ZNF292: variants seen among roughly 807,000 people sequenced by gnomAD.
ZNF292 encodes 16 zinc-finger domain protein.
Under a neutral mutation model 217.9 loss-of-function variants are expected in ZNF292, and 26 were observed. That is an observed-to-expected ratio of 0.12 (90% CI 0.09 to 0.17). ZNF292 has a LOEUF of 0.17. Among genes scored for constraint, ZNF292 ranks in the 10% least tolerant of loss-of-function variants. The probability of loss-of-function intolerance (pLI) is 1.00; values close to 1 mark genes in which losing one functional copy is unlikely to be tolerated. For synonymous variants in ZNF292, 1,257 were observed against 1,124.1 expected, an observed-to-expected ratio of 1.12 and a Z score of -2.37; for missense variants, 2,904 against 3,175.2, an observed-to-expected ratio of 0.91 and a Z score of 2.05.
chr6:87,249,327 A>G (rs554442089), intron 7 of ZNF292: 16 of 415,664 alleles, frequency 3.8e-5, no homozygotes, highest in Non-Finnish European at 6.7e-5. Flanking sequence ...GGGTCTCACT[A>G]TATTGCCCAG....
intron 1 of ZNF292, among the ~76,000 whole-genome samples, chr6:87,202,518 T>C (rs1286456437): frequency 6.6e-6 from 1 of 152,206 alleles, no homozygotes; most frequent in Non-Finnish European, 1.5e-5. Flanking sequence ...TTGTGCTGAT[T>C]AGCCCTACAG....
At chr6:87,206,802 C>G (rs1020188849) in intron 1 of ZNF292, among the ~76,000 whole-genome samples, 1 of 152,156 alleles carries the variant, frequency 6.6e-6, no homozygotes, top group Non-Finnish European at 1.5e-5. Context: ...TACTTAGAGA[C>G]ACAGCATGCA....
At chr6:87,254,025 G>A (rs908787152) in intron 7 of ZNF292, among the ~76,000 whole-genome samples, 5 of 152,192 alleles carry the variant, frequency 3.3e-5, no homozygotes, top group African/African-American at 1.2e-4. Context: ...AGCTGGTCCA[G>A]CCATGAGGTA....
rs117503898 is a variant in ZNF292 at position 87,228,468 on chromosome 6, A to G, written c.539-4857A>G. On this transcript the variant is annotated intron_variant, in intron 4 of 7. Transcript: ENST00000369577. ...AGTTTTATTTTTGCTTTTGTTGCCT[A>G]TGACACATTTGGTGTCATAGCCAAG... Among the ~76,000 whole-genome samples the G allele has an allele frequency of 1.6e-4, 25 of 152,288 alleles. No homozygotes were observed. In the East Asian group the frequency reaches 4.2e-3, roughly 26 times the overall value.
chr6:87,217,937 A>G (rs1027364670), intron 3 of ZNF292, among the ~76,000 whole-genome samples: 1 of 152,142 alleles, frequency 6.6e-6, no homozygotes, highest in Non-Finnish European at 1.5e-5. Flanking sequence ...TAAGCCCCAT[A>G]AAGTCAGGGA....
chr6:87,258,423 T>C lies in ZNF292; in HGVS notation c.4794T>C (p.Asn1598=), dbSNP rs897311931. ...SFPNSGGPSQ[N]FTSNSSRVSV... ...CTAATTCTGGTGGGCCATCACAAAA[T>C]TTTACCAGTAACAGTTCTCGTGTTT... The change falls in exon 8 of 8, where the codon AAT becomes AAC. Residue 1598 remains asparagine (N), a synonymous_variant. Transcript: ENST00000369577. 9 of 1,613,552 alleles carry C rather than the reference T, an allele frequency of 5.6e-6. No individual in the cohort carries two copies. The Admixed American group carries it at 6.7e-5, about 12-fold the overall frequency.
rs1287885097 is a variant in ZNF292 at position 87,216,409 on chromosome 6, G to A, written c.402+32G>A. On this transcript the variant is annotated intron_variant, in intron 3 of 7. Coordinates refer to ENST00000369577, the MANE Select transcript of ZNF292 (RefSeq NM_015021.3). ...ATCTTTATCTTTAGATTTAATACAG[G>A]TATATCTTATGTCAGTTTTCCTTAC... is the stretch of plus-strand genomic sequence containing the variant. The A allele has an allele frequency of 1.9e-5, 28 of 1,461,120 alleles. No homozygotes were observed. In the Admixed American group the frequency reaches 4.4e-4, roughly 23 times the overall value. 90.5% of individuals were successfully genotyped at this position (1,461,120 alleles called of 1,614,324 possible).
At chr6:87,161,036 T>C (rs186407649) in intron 1 of ZNF292, among the ~76,000 whole-genome samples, 15 of 152,324 alleles carry the variant, frequency 9.8e-5, no homozygotes, top group Non-Finnish European at 1.6e-4. Context: ...TATACTTTAT[T>C]TGGAACAGGT....
intron 1 of ZNF292, among the ~76,000 whole-genome samples, chr6:87,176,129 A>G (rs949507516): frequency 6.6e-6 from 1 of 152,208 alleles, no homozygotes; most frequent in African/African-American, 2.4e-5. Flanking sequence ...ACCTGTCACT[A>G]GGTTCGTGGC....
intron 7 of ZNF292, 27 bp downstream of exon 7, chr6:87,245,671 G>A (rs1350300112): frequency 3.8e-6 from 5 of 1,333,156 alleles, no homozygotes; most frequent in Middle Eastern, 2.7e-4. Flanking sequence ...TATTTTTAAG[G>A]TTAAAATGTG....
chr6:87,169,299 C>T (rs1174500603), intron 1 of ZNF292, among the ~76,000 whole-genome samples: 2 of 151,952 alleles, frequency 1.3e-5, no homozygotes, highest in Non-Finnish European at 2.9e-5. Context: ...CCTCAGCCTC[C>T]GAAAGTGCTG....
At chr6:87,236,541 T>G (rs1213846817) in intron 5 of ZNF292, among the ~76,000 whole-genome samples, 1 of 152,154 alleles carries the variant, frequency 6.6e-6, no homozygotes, top group Non-Finnish European at 1.5e-5. Flanking sequence ...AAAAATTAAG[T>G]TAGCAGTGTC....
chr6:87,220,392 G>T (rs2127807769), intron 4 of ZNF292, among the ~76,000 whole-genome samples: 1 of 152,204 alleles, frequency 6.6e-6, no homozygotes, highest in South Asian at 2.1e-4. Flanking sequence ...GATCCTTATT[G>T]TCCCTGTTTT....
rs376443708 is a variant in ZNF292 at position 87,261,534 on chromosome 6, T to C, written c.7905T>C (p.Ala2635=). 1 of 1,609,218 alleles carries C rather than the reference T, an allele frequency of 6.2e-7. No homozygotes were observed. Among genetic ancestry groups the C allele is most frequent in the Non-Finnish European group, 8.5e-7 (1 of 1,177,464 alleles). Reference sequence around the variant, plus strand: ...CAAGAAAAAATATTGATAAGACTGCTGTGACTAGTGGAAATCATGTATGTC... The same window carrying C: ...CAAGAAAAAATATTGATAAGACTGCCGTGACTAGTGGAAATCATGTATGTC... ...SNSRKNIDKT[A]VTSGNHVCPC... The change falls in exon 8 of 8, where the codon GCT becomes GCC. Residue 2635 remains alanine (A), a synonymous_variant. Transcript: ENST00000369577.
At chr6:87,192,105 C>T (rs750879909) in intron 1 of ZNF292, among the ~76,000 whole-genome samples, 1 of 152,180 alleles carries the variant, frequency 6.6e-6, no homozygotes, top group African/African-American at 2.4e-5. Flanking sequence ...ACTACAAAAA[C>T]ATTTATAATG....
At chr6:87,225,043 A>G (rs1447862077) in intron 4 of ZNF292, among the ~76,000 whole-genome samples, 1 of 152,156 alleles carries the variant, frequency 6.6e-6, no homozygotes. Flanking sequence ...CGTTTTTGGA[A>G]TTTTAGCCAT....
chr6:87,160,930 C>T (rs1491003690), intron 1 of ZNF292, among the ~76,000 whole-genome samples: 1 of 151,956 alleles, frequency 6.6e-6, no homozygotes, highest in Non-Finnish European at 1.5e-5. Flanking sequence ...GTACCCTTTT[C>T]AGAAACATTG....
At chr6:87,199,929 G>A (rs899476045) in intron 1 of ZNF292, among the ~76,000 whole-genome samples, 1 of 152,158 alleles carries the variant, frequency 6.6e-6, no homozygotes, top group Non-Finnish European at 1.5e-5. Flanking sequence ...TCTGAAGTAA[G>A]GATGTATTGT....
chr6:87,211,604 C>T (rs1271777194), intron 1 of ZNF292, among the ~76,000 whole-genome samples: 1 of 152,074 alleles, frequency 6.6e-6, no homozygotes, highest in Non-Finnish European at 1.5e-5. Flanking sequence ...TACCTAATTA[C>T]TGAATAGGTA....
Sources: gnomAD v4.1 joint callset for allele counts (sites outside exome capture counted in the v4.1 genomes callset) on GRCh38, gnomAD v4.1.1 for gene constraint, MANE v1.5 for transcripts, NCBI Gene and HGNC (gene_info 2026-07-23, HGNC 2026-07-21) for gene names.